GIGYF2: variants seen among roughly 807,000 people sequenced by gnomAD.
GIGYF2 encodes GRB10-interacting GYF protein 2.
GIGYF2 carries 25 observed loss-of-function variants against 208.1 expected under a neutral mutation model. The ratio of observed to expected loss-of-function variants is 0.12; its 90% CI spans 0.09 to 0.17. GIGYF2 has a LOEUF of 0.17. Among genes scored for constraint, GIGYF2 ranks in the 10% least tolerant of loss-of-function variants. GIGYF2 has a pLI of 1.00. For missense variants in GIGYF2, 1,302 were observed against 1,579.4 expected (o/e 0.82, Z 2.98); for synonymous variants, 534 against 543.8 (o/e 0.98, Z 0.25).
intron 5 of GIGYF2, among the ~76,000 whole-genome samples, chr2:232,749,586 G>C (rs1005043456): frequency 6.6e-5 from 10 of 152,132 alleles, no homozygotes; most frequent in African/African-American, 2.4e-4. Flanking sequence ...ATTTAGTGTT[G>C]TTCCTGTTTA....
chr2:232,801,355 CCT>C (rs951860089), intron 14 of GIGYF2, among the ~76,000 whole-genome samples: 1 of 152,018 alleles, frequency 6.6e-6, no homozygotes, highest in Non-Finnish European at 1.5e-5. Flanking sequence ...ACAGTGAGAC[CCT>C]GTCTCTACAA....
intron 16 of GIGYF2, chr2:232,810,730 T>C (rs1223814958): frequency 5.5e-6 from 1 of 182,060 alleles, no homozygotes; most frequent in Non-Finnish European, 1.2e-5. Context: ...GATGAAACTA[T>C]TTACTCTCTG....
At chr2:232,699,002 C>G (rs570662351) in intron 1 of GIGYF2, among the ~76,000 whole-genome samples, 1 of 152,226 alleles carries the variant, frequency 6.6e-6, no homozygotes, top group East Asian at 1.9e-4. Flanking sequence ...CAATTCCTGT[C>G]TGTATGGAAT....
Position 232,819,819 on chromosome 2 carries a change from T to C in GIGYF2, c.2371-8T>C. ...CCCCACCCCCCACCCTCCATCTTTTTTCCTTAGGAAGAGGCTCTGCGTCGC... is the reference window on the plus strand; with the variant it reads ...CCCCACCCCCCACCCTCCATCTTTTCTCCTTAGGAAGAGGCTCTGCGTCGC... On this transcript the variant is annotated splice_polypyrimidine_tract_variant and splice_region_variant and intron_variant, in intron 20 of 28. Coordinates refer to ENST00000373563, the MANE Select transcript of GIGYF2 (RefSeq NM_001103146.3). The C allele has an allele frequency of 1.3e-6, 1 of 765,556 alleles. No individual in the cohort carries two copies. Among genetic ancestry groups the C allele is most frequent in the Non-Finnish European group, 1.9e-6 (1 of 524,338 alleles). The allele number at this position is 765,556 out of a possible 1,614,324, so 47.4% of individuals were successfully genotyped here.
chr2:232,706,596 G>C (rs1223508292), intron 2 of GIGYF2, among the ~76,000 whole-genome samples: 1 of 152,076 alleles, frequency 6.6e-6, no homozygotes, highest in Non-Finnish European at 1.5e-5. Flanking sequence ...TGACCAACAC[G>C]GCGAAACCCT....
chr2:232,848,255 T>C (rs1480171417), intron 27 of GIGYF2, among the ~76,000 whole-genome samples: 1 of 152,312 alleles, frequency 6.6e-6, no homozygotes, highest in South Asian at 2.1e-4. Flanking sequence ...ATGAAGCTTA[T>C]CCAGCACACG....
chr2:232,840,867 G>A (rs779158367), intron 23 of GIGYF2, among the ~76,000 whole-genome samples: 43 of 152,222 alleles, frequency 2.8e-4, no homozygotes, highest in East Asian at 3.9e-4. Flanking sequence ...ATGATTTGAG[G>A]TAGAGCAGTC....
intron 21 of GIGYF2, among the ~76,000 whole-genome samples, chr2:232,825,017 G>T (rs544194862): frequency 6.6e-6 from 1 of 152,288 alleles, no homozygotes; most frequent in East Asian, 1.9e-4. Context: ...GTGGTATATT[G>T]AATATTTTAA....
At chr2:232,844,600 T>C (rs1437546071) in intron 25 of GIGYF2, 26 bp downstream of exon 25, 2 of 1,511,528 alleles carry the variant, frequency 1.3e-6, no homozygotes, top group African/African-American at 1.4e-5. Context: ...ACCACACCTA[T>C]GCACCTTGGT....
chr2:232,848,769 A>T (rs1443909539), intron 27 of GIGYF2, among the ~76,000 whole-genome samples: 2 of 152,224 alleles, frequency 1.3e-5, no homozygotes, highest in Non-Finnish European at 2.9e-5. Context: ...TCCTTGTTCT[A>T]CCTTAACTGG....
chr2:232,707,383 C>T (rs984751308), intron 2 of GIGYF2, among the ~76,000 whole-genome samples: 4 of 152,146 alleles, frequency 2.6e-5, no homozygotes, highest in African/African-American at 9.7e-5. Flanking sequence ...TTTGGTTGTA[C>T]AGACTGACAA....
intron 14 of GIGYF2, among the ~76,000 whole-genome samples, chr2:232,799,922 T>C (rs967272421): frequency 1.3e-5 from 2 of 152,116 alleles, no homozygotes; most frequent in Non-Finnish European, 2.9e-5. Context: ...TTGTATACCT[T>C]CTTTGGTGAA....
chr2:232,773,944 G>GT (rs1412097829), intron 8 of GIGYF2, among the ~76,000 whole-genome samples: 2 of 140,384 alleles, frequency 1.4e-5, no homozygotes, highest in East Asian at 4.4e-4. Flanking sequence ...GGTGTCTTAA[G>GT]TTTCACAGTA....
At chr2:232,796,315 A>G in intron 14 of GIGYF2, 94 bp downstream of exon 14, 1 of 869,170 alleles carries the variant, frequency 1.2e-6, no homozygotes, top group Non-Finnish European at 2.0e-6. Context: ...TTATAGTAGA[A>G]AAAGAAGTCA....
At position 232,806,600 on chromosome 2, in the gene GIGYF2, C is replaced by A. The variant is rs1463318044; in HGVS notation, c.1749C>A (p.Ile583=). Residue 583 remains isoleucine (I), a synonymous_variant, in exon 15 of 29, where the codon ATC becomes ATA. Transcript: ENST00000373563. This position sits in a 1 kb window ranked among gnomAD's most constrained non-coding sequence, Gnocchi z 4.0. ...CDESFQPLGD[I]MKMWGRVPFS... ...AAAGCTTCCAACCTCTTGGCGATATCATGAAAATGTGGGGAAGGGTTCCCT... is the reference window on the plus strand; with the variant it reads ...AAAGCTTCCAACCTCTTGGCGATATAATGAAAATGTGGGGAAGGGTTCCCT... 6.2e-7 allele frequency: 1 copy of A among 1,613,038 alleles called. No homozygotes were observed. The highest frequency in any genetic ancestry group is 2.2e-5 in the East Asian group (1 of 44,882).
chr2:232,796,744 C>T (rs1700233662), intron 14 of GIGYF2, among the ~76,000 whole-genome samples: 1 of 152,058 alleles, frequency 6.6e-6, no homozygotes, highest in Non-Finnish European at 1.5e-5. Flanking sequence ...CCTGTAATCC[C>T]AGCTACTCGG....
intron 2 of GIGYF2, among the ~76,000 whole-genome samples, chr2:232,713,627 T>C (rs4517962): frequency 0.34 from 51,779 of 152,096 alleles, 9,117 homozygotes; most frequent in South Asian, 0.62. Context: ...CAGGATACCA[T>C]GTTATACCTA....
chr2:232,844,134 G>A lies in GIGYF2; in HGVS notation c.2978G>A (p.Ser993Asn). ...AAACTCTCAGGTTGGGGGAATGTCAGCAAACCTTCAGGTACCACGAAATCT... is the reference window on the plus strand; with the variant it reads ...AAACTCTCAGGTTGGGGGAATGTCAACAAACCTTCAGGTACCACGAAATCT... ...QQKLSGWGNV[S>N]KPSGTTKSLL... The change falls in exon 24 of 29, where the codon AGC becomes AAC. Residue 993 changes from serine (S) to asparagine (N), a missense_variant. Transcript: ENST00000373563. 1.3e-6 allele frequency: 2 copies of A among 1,588,882 alleles called. No homozygotes were observed. The highest frequency in any genetic ancestry group is 1.7e-6 in the Non-Finnish European group (2 of 1,165,458).
intron 8 of GIGYF2, among the ~76,000 whole-genome samples, chr2:232,764,915 G>T (rs1322637070): frequency 1.3e-5 from 2 of 152,060 alleles, no homozygotes; most frequent in Non-Finnish European, 1.5e-5. Context: ...CTCTATTAAA[G>T]GTAAAGGTTC....
Sources: allele counts gnomAD v4.1 joint callset (sites outside exome capture counted in the v4.1 genomes callset), GRCh38; gene constraint gnomAD v4.1.1; non-coding constraint Gnocchi (gnomAD v3.1); transcripts MANE v1.5; gene names NCBI Gene and HGNC (gene_info 2026-07-23, HGNC 2026-07-21).